The following HSPA14 variants were observed in gnomAD, a reference collection of about 807,000 sequenced individuals.
HSPA14 encodes the protein heat shock protein family A (Hsp70) member 14.
A neutral mutation model predicts 65.5 loss-of-function variants in HSPA14; 37 were observed. The ratio of observed to expected loss-of-function variants is 0.56; its 90% CI spans 0.43 to 0.74. HSPA14 has a LOEUF of 0.74. Ranked by LOEUF, HSPA14 falls within the 30% of genes least tolerant of loss-of-function variation. The pLI, the probability that HSPA14 is intolerant of heterozygous loss-of-function variation, is 0.00. For missense variants in HSPA14, 564 were observed against 607.6 expected, an observed-to-expected ratio of 0.93 and a Z score of 0.75; for synonymous variants, 203 against 214.2, an observed-to-expected ratio of 0.95 and a Z score of 0.46.
chr10:14,869,903 A>C (rs1832840023), intron 12 of HSPA14, among the ~76,000 whole-genome samples: 1 of 152,184 alleles, frequency 6.6e-6, no homozygotes, highest in Admixed American at 6.5e-5. Context: ...AGCGTTAGCC[A>C]CGTAATACTG....
chr10:14,838,332 C>T lies in HSPA14; in HGVS notation c.-71C>T. The T allele has an allele frequency of 6.8e-7, 1 of 1,466,648 alleles. No homozygotes were observed. Among genetic ancestry groups the T allele is most frequent in the South Asian group, 1.2e-5 (1 of 82,908 alleles). 90.9% of individuals were successfully genotyped at this position (1,466,648 alleles called of 1,614,324 possible). ...TGAAGCTCCGCGGTGCCTGATGGGG[C>T]CGTTGGGCGGCCGGTAGCTGTTGCT... On this transcript the variant is annotated 5_prime_UTR_variant, in exon 1 of 14. Transcript: ENST00000378372.
At chr10:14,857,828 T>C (rs888624988) in intron 10 of HSPA14, among the ~76,000 whole-genome samples, 2 of 152,240 alleles carry the variant, frequency 1.3e-5, no homozygotes, top group African/African-American at 4.8e-5. Context: ...GACAGTTTTA[T>C]GTTTTTAGTT....
In HSPA14 at chr10:14,844,311, TTTAAG is replaced by T. The variant is rs1333614965; in HGVS notation, c.221+4158_221+4162del. ...TAAAAGTTTAAAAGCACTGTACACA[TTTAAG>T]TTATTAATTCATATGGCCTTGGCTG... On this transcript the variant is annotated intron_variant, in intron 3 of 13. Transcript: ENST00000378372. 9 of 1,060,284 alleles carry T rather than the reference TTTAAG, an allele frequency of 8.5e-6. No individual in the cohort carries two copies. In the East Asian group the frequency reaches 3.7e-4, roughly 43 times the overall value. The allele number at this position is 1,060,284 out of a possible 1,614,324, so 65.7% of individuals were successfully genotyped here.
At chr10:14,869,163 TA>T (rs1376586828) in intron 12 of HSPA14, among the ~76,000 whole-genome samples, 3 of 152,038 alleles carry the variant, frequency 2.0e-5, no homozygotes, top group Non-Finnish European at 4.4e-5. Context: ...AGAAGCAGAC[TA>T]AAAATGCCTA....
At chr10:14,857,396 T>A (rs1832711787) in intron 10 of HSPA14, among the ~76,000 whole-genome samples, 1 of 152,240 alleles carries the variant, frequency 6.6e-6, no homozygotes, top group Non-Finnish European at 1.5e-5. Flanking sequence ...CAGCAATATA[T>A]AAAAGTATAC....
chr10:14,856,462 T>C (rs376180912), intron 10 of HSPA14, among the ~76,000 whole-genome samples: 1 of 152,232 alleles, frequency 6.6e-6, no homozygotes, highest in Admixed American at 6.5e-5. Context: ...TGCTTCCCGT[T>C]CCTTGCTTAG....
intron 3 of HSPA14, chr10:14,846,992 T>A: frequency 1.0e-6 from 1 of 985,454 alleles, no homozygotes; most frequent in Non-Finnish European, 1.2e-6. Context: ...AGTTTTCACT[T>A]GTATGTAGTT....
At chr10:14,847,117 G>C (rs1348249029) in intron 3 of HSPA14, 2 of 759,316 alleles carry the variant, frequency 2.6e-6, no homozygotes, top group African/African-American at 3.8e-5. Flanking sequence ...GGAGCTATAT[G>C]TGCTTTCTGT....
In HSPA14 at chr10:14,838,383, G is replaced by T. The variant is rs1331654636; in HGVS notation, c.-20G>T. 1.3e-6 allele frequency: 2 copies of T among 1,594,782 alleles called. No homozygotes were observed. The highest frequency in any genetic ancestry group is 8.5e-7 in the Non-Finnish European group (1 of 1,173,232). On this transcript the variant is annotated 5_prime_UTR_variant, in exon 1 of 14. Transcript: ENST00000378372. The stretch of plus-strand genomic sequence containing the variant: ...GTTGGGGGACCCCCTCATTCCTGCC[G>T]CTGCCGTCCCTGCTGCCTCATGGCG...
At chr10:14,870,692 A>C (rs754031314) in intron 13 of HSPA14, 25 bp downstream of exon 13, 30 of 1,515,990 alleles carry the variant, frequency 2.0e-5, no homozygotes, top group Non-Finnish European at 2.7e-5. Context: ...TTCTGTTGTT[A>C]AGAAAATTCA....
At position 14,838,402 on chromosome 10, in the gene HSPA14, C is replaced by T. The variant is rs765551312; in HGVS notation, c.-1C>T. 2.3e-5 allele frequency: 37 copies of T among 1,603,602 alleles called. No homozygotes were observed. The highest frequency in any genetic ancestry group is 3.0e-5 in the Non-Finnish European group (35 of 1,177,356). ...CCTGCCGCTGCCGTCCCTGCTGCCT[C>T]ATGGCGGCCATCGGAGTTCACCTGG... On this transcript the variant is annotated 5_prime_UTR_variant, in exon 1 of 14. Coordinates refer to ENST00000378372, the MANE Select transcript of HSPA14 (RefSeq NM_016299.4).
intron 12 of HSPA14, among the ~76,000 whole-genome samples, 180 bp downstream of exon 12, chr10:14,868,089 G>A (rs935909830): frequency 6.6e-6 from 1 of 152,076 alleles, no homozygotes; most frequent in Non-Finnish European, 1.5e-5. Flanking sequence ...TTGAAAGAGG[G>A]AAAAAATAGG....
At chr10:14,848,585 A>C in intron 3 of HSPA14, 24 bp from the exon 4 acceptor site, 4 of 1,577,870 alleles carry the variant, frequency 2.5e-6, no homozygotes, top group Non-Finnish European at 3.5e-6. Context: ...ATACTTAGCT[A>C]TCTTTATCTT....
At chr10:14,869,574 C>A (rs80000610) in intron 12 of HSPA14, among the ~76,000 whole-genome samples, 14,932 of 152,220 alleles carry the variant, frequency 0.098, 881 homozygotes, top group South Asian at 0.21. Context: ...GGATTACAGG[C>A]ATGAGCCACC....
intron 10 of HSPA14, among the ~76,000 whole-genome samples, chr10:14,862,375 T>C (rs1832757947): frequency 6.9e-6 from 1 of 144,874 alleles, no homozygotes; most frequent in Non-Finnish European, 1.5e-5. Flanking sequence ...TCTTTTCTTT[T>C]CTTTTTTTTT....
chr10:14,863,611 T>G (rs1243903213), intron 10 of HSPA14, among the ~76,000 whole-genome samples: 1 of 152,190 alleles, frequency 6.6e-6, no homozygotes, highest in African/African-American at 2.4e-5. Context: ...CCACAGAGCA[T>G]GACTTGCTCT....
chr10:14,852,590 ATTTT>A, intron 8 of HSPA14, 59 bp downstream of exon 8: 1 of 1,352,624 alleles, frequency 7.4e-7, no homozygotes, highest in Middle Eastern at 1.9e-4. Context: ...ACATATTTTA[ATTTT>A]TTTTCCTAAT....
intron 3 of HSPA14, chr10:14,843,385 A>T: frequency 6.4e-7 from 1 of 1,550,582 alleles, no homozygotes; most frequent in Non-Finnish European, 8.7e-7. Flanking sequence ...CTCTCAAGGG[A>T]CCCCCAGCTA....
At chr10:14,844,303 T>C (rs977731685) in intron 3 of HSPA14, 3 of 1,078,452 alleles carry the variant, frequency 2.8e-6, no homozygotes, top group Admixed American at 9.9e-5. Context: ...TTAAAAGCAC[T>C]GTACACATTT....
Sources: gnomAD v4.1 joint callset for allele counts (sites outside exome capture counted in the v4.1 genomes callset) on GRCh38, gnomAD v4.1.1 for gene constraint, MANE v1.5 for transcripts, NCBI Gene and HGNC (gene_info 2026-07-23, HGNC 2026-07-21) for gene names.